The following SRGAP3 variants were observed in gnomAD, a reference collection of about 807,000 sequenced individuals.
SRGAP3 encodes SLIT-ROBO Rho GTPase-activating protein 3.
In SRGAP3, 39 loss-of-function variants were observed where a neutral mutation model predicts 121.1. The observed-to-expected ratio is 0.32, with a 90% CI of 0.25 to 0.42. The LOEUF is 0.42. Ranked by LOEUF, SRGAP3 falls within the 10% of genes least tolerant of loss-of-function variation. The pLI is 1.00. For missense variants in SRGAP3, 1,213 were observed against 1,470.6 expected, an observed-to-expected ratio of 0.82 and a Z score of 2.86; for synonymous variants, 601 against 570.0, an observed-to-expected ratio of 1.05 and a Z score of -0.77.
intron 1 of SRGAP3, among the ~76,000 whole-genome samples, chr3:9,360,015 G>A (rs942782768): frequency 6.6e-6 from 1 of 152,094 alleles, no homozygotes; most frequent in Non-Finnish European, 1.5e-5. Flanking sequence ...CTACAGACTC[G>A]AACTCCTGGG....
At chr3:9,304,727 T>G (rs1343080986) in intron 3 of SRGAP3, among the ~76,000 whole-genome samples, 1 of 152,162 alleles carries the variant, frequency 6.6e-6, no homozygotes, top group African/African-American at 2.4e-5. Flanking sequence ...AGAGGTCGTA[T>G]GCTCACTCCC....
intron 1 of SRGAP3, among the ~76,000 whole-genome samples, chr3:9,137,997 T>C (rs1205694286): frequency 6.6e-6 from 1 of 152,232 alleles, no homozygotes; most frequent in Admixed American, 6.5e-5. Context: ...ATCAGATCCA[T>C]TTAAATGAGA....
chr3:9,025,421 TC>T (rs1944144551), intron 13 of SRGAP3, 83 bp from the exon 14 acceptor site: 1 of 1,381,094 alleles, frequency 7.2e-7, no homozygotes, highest in African/African-American at 1.4e-5. Context: ...TCAGTGACTC[TC>T]CCCATTGCTT....
In SRGAP3 at chr3:8,994,423, G is replaced by T. The variant is rs138152185; in HGVS notation, c.2328C>A (p.Arg776=). The change falls in exon 19 of 22, where the codon CGC becomes CGA. Residue 776 remains arginine, a synonymous_variant. Coordinates refer to ENST00000383836, the MANE Select transcript of SRGAP3 (RefSeq NM_014850.4). ...GGCCCTCCCACCAGTCCTCCGAGGC[G>T]CGGTGGTACAGGAGCAGCGAGGCCC... ...KKGASLLLYH[R]ASEDWWEGRH... is the part of the protein sequence containing the mutation. The T allele has an allele frequency of 3.7e-6, 6 of 1,614,102 alleles. No individual in the cohort carries two copies. The highest frequency in any genetic ancestry group is 5.1e-6 in the Non-Finnish European group (6 of 1,180,058).
rs548265839 is a variant in SRGAP3, at chr3:8,994,642, T to A, written c.2228-119A>T. 17 of 1,320,932 alleles carry A rather than the reference T, an allele frequency of 1.3e-5. No homozygotes were observed. In the East Asian group the frequency reaches 3.6e-4, roughly 28 times the overall value. 81.8% of individuals were successfully genotyped at this position (1,320,932 alleles called of 1,614,324 possible). A position where few individuals can be genotyped will look rare whatever the true frequency, so the allele number is the denominator to read the frequency against. On this transcript the variant is annotated intron_variant, in intron 18 of 21. Transcript: ENST00000383836. The stretch of plus-strand genomic sequence containing the variant: ...ATAGACTGCACAGCTGGTGAGAACA[T>A]GGACAGAACGCCTGGTGGGCTGGGG...
chr3:9,045,190 T>TA (rs143656763), intron 10 of SRGAP3, among the ~76,000 whole-genome samples: 35,162 of 144,504 alleles, frequency 0.24, 4,247 homozygotes, highest in Middle Eastern at 0.34. Flanking sequence ...AAAGTTTACT[T>TA]TAAAAAAAAA....
chr3:9,055,166 C>G (rs985222945), intron 8 of SRGAP3, among the ~76,000 whole-genome samples: 1 of 152,200 alleles, frequency 6.6e-6, no homozygotes, highest in Admixed American at 6.5e-5. Context: ...ACAACCTCCC[C>G]CTGGGGACTG....
intron 1 of SRGAP3, among the ~76,000 whole-genome samples, chr3:9,203,122 C>G (rs1952125322): frequency 6.6e-6 from 1 of 152,204 alleles, no homozygotes; most frequent in South Asian, 2.1e-4. Flanking sequence ...GACTCCCAGT[C>G]TGTTTCTCGG....
At chr3:9,259,667 G>C (rs533650950) in intron 3 of SRGAP3, among the ~76,000 whole-genome samples, 5 of 152,216 alleles carry the variant, frequency 3.3e-5, no homozygotes, top group African/African-American at 1.2e-4. Flanking sequence ...ACCTCCACTA[G>C]ACCAACATGT....
chr3:9,358,090 G>T (rs1482175102), intron 1 of SRGAP3, among the ~76,000 whole-genome samples: 4 of 152,064 alleles, frequency 2.6e-5, no homozygotes, highest in African/African-American at 9.7e-5. Context: ...GGCCAGGCTG[G>T]TCTCAAACTC....
rs544678309 is a variant in SRGAP3, at chr3:9,192,269, G to A, written c.67+56616C>T. Among the ~76,000 whole-genome samples the A allele has an allele frequency of 2.6e-4, 39 of 152,246 alleles. 1 individual carries two copies. The highest frequency in any genetic ancestry group is 2.0e-3 in the Admixed American group (30 of 15,290). Reference sequence around the variant, plus strand: ...TGATGGAATAGAGTATCTTTGTATCGCTGGGGCTTTGGGCCACCCCACATA... The same window carrying A: ...TGATGGAATAGAGTATCTTTGTATCACTGGGGCTTTGGGCCACCCCACATA... On this transcript the variant is annotated intron_variant, in intron 1 of 21. Transcript: ENST00000383836.
chr3:8,988,060 G>C (rs1431118433), intron 21 of SRGAP3, among the ~76,000 whole-genome samples: 1 of 152,138 alleles, frequency 6.6e-6, no homozygotes, highest in Non-Finnish European at 1.5e-5. Context: ...AGAAAGACAG[G>C]AAGTTCAGAG....
At chr3:9,029,234 A>G (rs1944360006) in intron 12 of SRGAP3, among the ~76,000 whole-genome samples, 2 of 152,238 alleles carry the variant, frequency 1.3e-5, no homozygotes, top group South Asian at 4.1e-4. Context: ...CTCTAGAAAC[A>G]TAACATATAG....
At chr3:9,101,348 C>A (rs1948207294) in intron 3 of SRGAP3, among the ~76,000 whole-genome samples, 1 of 152,258 alleles carries the variant, frequency 6.6e-6, no homozygotes. Context: ...TCAGGTGGAA[C>A]TGAGTGTGCA....
chr3:9,099,714 G>C (rs1466133958), intron 3 of SRGAP3, among the ~76,000 whole-genome samples: 2 of 152,254 alleles, frequency 1.3e-5, no homozygotes, highest in Non-Finnish European at 2.9e-5. Context: ...GAATATGCTA[G>C]AAATGCAGGT....
At chr3:9,282,692 A>C (rs1368946315) in intron 3 of SRGAP3, among the ~76,000 whole-genome samples, 1 of 151,756 alleles carries the variant, frequency 6.6e-6, no homozygotes, top group African/African-American at 2.4e-5. Flanking sequence ...GGTTTGGCCA[A>C]GCTGGTCTCG....
At chr3:9,325,961 A>G (rs964292237) in intron 3 of SRGAP3, 1 of 151,934 alleles carries the variant, frequency 6.6e-6, no homozygotes, top group African/African-American at 2.4e-5. Context: ...GCTGTTCACA[A>G]CAAGGATGCC....
intron 3 of SRGAP3, among the ~76,000 whole-genome samples, chr3:9,088,015 G>A (rs367682757): frequency 6.6e-6 from 1 of 152,116 alleles, no homozygotes; most frequent in Admixed American, 6.5e-5. Context: ...TTTTGGCTGG[G>A]GTTGATTGGG....
At chr3:9,056,400 A>AGGG in intron 7 of SRGAP3, 66 bp from the exon 8 acceptor site, 1 of 1,526,080 alleles carries the variant, frequency 6.6e-7, no homozygotes, top group Non-Finnish European at 9.0e-7. Context: ...GAGCTAGGGC[A>AGGG]GGGGCTACCA....
Sources: allele counts gnomAD v4.1 joint callset (sites outside exome capture counted in the v4.1 genomes callset), GRCh38; gene constraint gnomAD v4.1.1; transcripts MANE v1.5; gene names NCBI Gene and HGNC (gene_info 2026-07-23, HGNC 2026-07-21).